ARL6IP1: variants seen among roughly 807,000 people sequenced by gnomAD.
ARL6IP1 encodes ARL6 interacting reticulophagy regulator 1.
A neutral mutation model predicts 30.1 loss-of-function variants in ARL6IP1; 16 were observed. That is an observed-to-expected ratio of 0.53 (90% CI 0.36 to 0.81). ARL6IP1 has a LOEUF of 0.81. Ranked by LOEUF, ARL6IP1 falls within the 30% of genes least tolerant of loss-of-function variation. The pLI is 0.01. For missense variants in ARL6IP1, 173 were observed against 242.7 expected, an observed-to-expected ratio of 0.71 and a Z score of 1.91; for synonymous variants, 72 against 84.8, an observed-to-expected ratio of 0.85 and a Z score of 0.83.
At chr16:18,794,963 C>A (rs1436306432) in intron 4 of ARL6IP1, among the ~76,000 whole-genome samples, 1 of 151,562 alleles carries the variant, frequency 6.6e-6, no homozygotes, top group African/African-American at 2.4e-5. Flanking sequence ...CTTCACGGAA[C>A]AGCCTCACGA....
intron 2 of ARL6IP1, chr16:18,798,486 G>T (rs992676113): frequency 2.1e-6 from 1 of 476,614 alleles, no homozygotes; most frequent in African/African-American, 2.0e-5. Context: ...AAAAGTTTGC[G>T]AGTCACTGAT....
In ARL6IP1 at chr16:18,801,508, C is replaced by A; in HGVS notation, c.-42G>T. ...TCTCTACAAGCGCAGGCCACCTCCC[C>A]AACGAGTCCTCCAACCGAAACCCGC... On this transcript the variant is annotated 5_prime_UTR_variant, in exon 1 of 6. Coordinates refer to ENST00000304414, the MANE Select transcript of ARL6IP1 (RefSeq NM_015161.3). 9 of 1,604,912 alleles carry A rather than the reference C, an allele frequency of 5.6e-6. No homozygotes were observed. Among genetic ancestry groups the A allele is most frequent in the Non-Finnish European group, 7.6e-6 (9 of 1,176,626 alleles).
chr16:18,792,805 A>G lies in ARL6IP1; in HGVS notation c.*447T>C, dbSNP rs979870601. On this transcript the variant is annotated 3_prime_UTR_variant, in exon 6 of 6. Coordinates refer to ENST00000304414, the MANE Select transcript of ARL6IP1 (RefSeq NM_015161.3). ...ATCAGAAGTGGTAAACTTGGTCTCTATATTCACGAAGTCAGACAGTTTTTT... is the reference window on the plus strand; with the variant it reads ...ATCAGAAGTGGTAAACTTGGTCTCTGTATTCACGAAGTCAGACAGTTTTTT... 6.5e-6 allele frequency: 1 copy of G among 152,890 alleles called. No individual in the cohort carries two copies. The highest frequency in any genetic ancestry group is 2.4e-5 in the African/African-American group (1 of 41,470). 9.5% of individuals were successfully genotyped at this position (152,890 alleles called of 1,614,324 possible). A position where few individuals can be genotyped will look rare whatever the true frequency, so the allele number is the denominator to read the frequency against.
intron 3 of ARL6IP1, among the ~76,000 whole-genome samples, chr16:18,796,169 T>C (rs1431452937): frequency 2.6e-5 from 4 of 152,164 alleles, no homozygotes; most frequent in African/African-American, 9.7e-5. Context: ...GCAGTAAAAA[T>C]CCAACAAGAG....
intron 3 of ARL6IP1, among the ~76,000 whole-genome samples, chr16:18,796,742 T>C (rs570537291): frequency 2.0e-5 from 3 of 152,226 alleles, no homozygotes; most frequent in Non-Finnish European, 2.9e-5. Flanking sequence ...CATTCTGCTG[T>C]TGGGGGAAAC....
chr16:18,801,156 G>A, intron 1 of ARL6IP1: 1 of 1,373,092 alleles, frequency 7.3e-7, no homozygotes, highest in South Asian at 1.5e-5. Flanking sequence ...CCCCAGGCTA[G>A]TGTCGCAGCC....
At chr16:18,794,506 TA>T in intron 5 of ARL6IP1, 92 bp downstream of exon 5, 1 of 885,636 alleles carries the variant, frequency 1.1e-6, no homozygotes, top group Non-Finnish European at 1.8e-6. Context: ...TTTCGGTGTC[TA>T]AAACTTAGGA....
intron 3 of ARL6IP1, among the ~76,000 whole-genome samples, chr16:18,795,961 A>G (rs1030362806): frequency 6.6e-6 from 1 of 152,188 alleles, no homozygotes; most frequent in Non-Finnish European, 1.5e-5. Context: ...TAAATGCTGC[A>G]CTATACCTAC....
At chr16:18,800,739 A>T (rs1391135625) in intron 1 of ARL6IP1, among the ~76,000 whole-genome samples, 1 of 152,150 alleles carries the variant, frequency 6.6e-6, no homozygotes, top group Non-Finnish European at 1.5e-5. Context: ...GGTGCGCTTA[A>T]ATTCATAACA....
rs191168232 is a variant in ARL6IP1, at chr16:18,796,045, C to T, written c.291-464G>A. ...AACTACTGGCATTTAACACATAACACCCCCAACTGGGCTTCATACATCTGA... is the reference window on the plus strand; with the variant it reads ...AACTACTGGCATTTAACACATAACATCCCCAACTGGGCTTCATACATCTGA... On this transcript the variant is annotated intron_variant, in intron 3 of 5. Transcript: ENST00000304414. Among the ~76,000 whole-genome samples, 1,263 of 152,268 alleles carry T rather than the reference C, an allele frequency of 8.3e-3. 6 individuals carry two copies. Among genetic ancestry groups the T allele is most frequent in the Non-Finnish European group, 0.013 (903 of 68,022 alleles).
chr16:18,801,548 C>G lies in ARL6IP1; in HGVS notation c.-82G>C. 4 of 1,562,720 alleles carry G rather than the reference C, an allele frequency of 2.6e-6. No homozygotes were observed. The highest frequency in any genetic ancestry group is 1.2e-5 in the South Asian group (1 of 85,576). On this transcript the variant is annotated 5_prime_UTR_variant, in exon 1 of 6. Coordinates refer to ENST00000304414, the MANE Select transcript of ARL6IP1 (RefSeq NM_015161.3). ...CCGAAACCCGCACACCAACCACAAC[C>G]CGAGGGAACGCCCCGCAGGCTGCTT...
intron 1 of ARL6IP1, among the ~76,000 whole-genome samples, chr16:18,800,572 A>C (rs867143346): frequency 6.6e-6 from 1 of 152,230 alleles, no homozygotes; most frequent in Non-Finnish European, 1.5e-5. Context: ...AACTGCCCTG[A>C]AGTCACGTCA....
At position 18,799,454 on chromosome 16, in the gene ARL6IP1, T is replaced by C. The variant is rs1018939043; in HGVS notation, c.37-620A>G. Among the ~76,000 whole-genome samples, 6 of 152,350 alleles carry C rather than the reference T, an allele frequency of 3.9e-5. No homozygotes were observed. The South Asian group carries it at 1.2e-3, about 32-fold the overall frequency. On this transcript the variant is annotated intron_variant, in intron 1 of 5. Coordinates refer to ENST00000304414, the MANE Select transcript of ARL6IP1 (RefSeq NM_015161.3). The stretch of plus-strand genomic sequence containing the variant: ...ATTAAAGAAAGTGAGCTCAAAATGG[T>C]TTACTTTCTCAAAGTCATGCGGGGA...
At chr16:18,798,543 T>G in intron 2 of ARL6IP1, 158 bp downstream of exon 2, 1 of 782,420 alleles carries the variant, frequency 1.3e-6, no homozygotes, top group Non-Finnish European at 1.8e-6. Flanking sequence ...TACTACAAAT[T>G]CTGGAAACTA....
intron 4 of ARL6IP1, 103 bp from the exon 5 acceptor site, chr16:18,794,786 G>A (rs1023318005): frequency 1.9e-5 from 15 of 783,952 alleles, no homozygotes; most frequent in Admixed American, 1.7e-4. Flanking sequence ...CAAAGTTCGG[G>A]AAATAATTTA....
At chr16:18,798,934 C>A in intron 1 of ARL6IP1, 100 bp from the exon 2 acceptor site, 5 of 1,312,750 alleles carry the variant, frequency 3.8e-6, no homozygotes, top group Non-Finnish European at 5.1e-6. Context: ...CAAAAAATAA[C>A]CTCTTAACCA....
In ARL6IP1 at chr16:18,801,405, C is replaced by T. The variant is rs774227961; in HGVS notation, c.36+26G>A. The T allele has an allele frequency of 5.1e-5, 83 of 1,612,108 alleles. 1 individual carries two copies. The highest frequency in any genetic ancestry group is 6.5e-5 in the Non-Finnish European group (77 of 1,179,542). On this transcript the variant is annotated intron_variant, in intron 1 of 5. Coordinates refer to ENST00000304414, the MANE Select transcript of ARL6IP1 (RefSeq NM_015161.3). ...GACGTCTGGAGGCCTCGCTCGGCTC[C>T]CGGGGGACAGGCAGCCAGGACTCAC...
Position 18,801,533 on chromosome 16 carries a change from C to T in ARL6IP1, c.-67G>A. 1 of 1,582,402 alleles carries T rather than the reference C, an allele frequency of 6.3e-7. No individual in the cohort carries two copies. The highest frequency in any genetic ancestry group is 1.9e-5 in the Admixed American group (1 of 53,072). ...CAACGAGTCCTCCAACCGAAACCCG[C>T]ACACCAACCACAACCCGAGGGAACG... On this transcript the variant is annotated 5_prime_UTR_variant, in exon 1 of 6. Coordinates refer to ENST00000304414, the MANE Select transcript of ARL6IP1 (RefSeq NM_015161.3).
chr16:18,794,684 C>T lies in ARL6IP1; in HGVS notation c.409-1G>A, dbSNP rs760114380. On this transcript the variant is annotated splice_acceptor_variant, in intron 4 of 5. Transcript: ENST00000304414. LOFTEE classifies it high-confidence loss of function. Reference sequence around the variant, plus strand: ...GGGAAACGATCATGGTCATGAAGTACTAGCAATGAAAACAAGAATTTAATA... The same window carrying T: ...GGGAAACGATCATGGTCATGAAGTATTAGCAATGAAAACAAGAATTTAATA... 1 of 1,609,712 alleles carries T rather than the reference C, an allele frequency of 6.2e-7. No homozygotes were observed. The highest frequency in any genetic ancestry group is 1.7e-5 in the Admixed American group (1 of 59,612).
Sources: gnomAD v4.1 joint callset for allele counts (sites outside exome capture counted in the v4.1 genomes callset) on GRCh38, gnomAD v4.1.1 for gene constraint, MANE v1.5 for transcripts, NCBI Gene and HGNC (gene_info 2026-07-23, HGNC 2026-07-21) for gene names.